The following E2F5 variants were observed in gnomAD, a reference collection of about 807,000 sequenced individuals.
E2F5 encodes E2F transcription factor 5, also known as transcription factor E2F5.
Under a neutral mutation model 39.1 loss-of-function variants are expected in E2F5, and 23 were observed. That is an observed-to-expected ratio of 0.59 (90% confidence interval 0.42 to 0.83). E2F5 has a LOEUF of 0.83. E2F5 is among the 40% of genes least tolerant of loss of function. The pLI is 0.00. For synonymous variants in E2F5, 145 were observed against 157.8 expected, an observed-to-expected ratio of 0.92 and a Z score of 0.61; for missense variants, 365 against 406.7, an observed-to-expected ratio of 0.90 and a Z score of 0.88.
At chr8:85,212,229 C>T (rs1188128849) in intron 7 of E2F5, 25 bp downstream of exon 7, 3 of 1,540,086 alleles carry the variant, frequency 1.9e-6, no homozygotes, top group East Asian at 2.3e-5. Context: ...ATTTTACTAA[C>T]TCACTTATCA....
Position 85,207,316 on chromosome 8 carries a change from C to G in E2F5, c.551-109C>G, listed in dbSNP as rs1002334309. The G allele has an allele frequency of 1.7e-5, 14 of 821,106 alleles. No individual in the cohort carries two copies. The Admixed American group carries it at 4.1e-4, about 24-fold the overall frequency. 50.9% of individuals were successfully genotyped at this position (821,106 alleles called of 1,614,324 possible). The stretch of plus-strand genomic sequence containing the variant: ...AATTGAAAATCAAAGCTCAAGGTCA[C>G]CTAGTTTGGGATTGAACCAAACACT... On this transcript the variant is annotated intron_variant, in intron 4 of 7. Coordinates refer to ENST00000416274, the MANE Select transcript of E2F5 (RefSeq NM_001951.4).
chr8:85,200,107 C>A (rs1400094651), intron 1 of E2F5, among the ~76,000 whole-genome samples: 1 of 152,024 alleles, frequency 6.6e-6, no homozygotes, highest in Non-Finnish European at 1.5e-5. Context: ...ATTAGCCAGT[C>A]GTGGTGGTAC....
At chr8:85,211,794 ATGTC>A (rs2129765766) in intron 6 of E2F5, among the ~76,000 whole-genome samples, 1 of 151,288 alleles carries the variant, frequency 6.6e-6, no homozygotes, top group South Asian at 2.1e-4. Flanking sequence ...CGTGCCATGA[ATGTC>A]TGGCTAATTT....
At chr8:85,192,334 G>A (rs549213625) in intron 1 of E2F5, among the ~76,000 whole-genome samples, 8 of 152,212 alleles carry the variant, frequency 5.3e-5, no homozygotes, top group South Asian at 4.2e-4. Flanking sequence ...GCAGCCTATC[G>A]GAATTATAGG....
rs111787090 is a variant in E2F5, at chr8:85,179,602, T to C, written c.234+1948T>C. ...CATATATATGTATGAAAAACATATG[T>C]TTTATGTATTTTACGTATATTTTTC... On this transcript the variant is annotated intron_variant, in intron 1 of 7. Coordinates refer to ENST00000416274, the MANE Select transcript of E2F5 (RefSeq NM_001951.4). 4.6e-3 allele frequency among the ~76,000 whole-genome samples: 698 copies of C among 152,140 alleles called. 4 individuals are homozygous for C. Among genetic ancestry groups the C allele is most frequent in the African/African-American group, 0.016 (660 of 41,518 alleles).
intron 1 of E2F5, among the ~76,000 whole-genome samples, chr8:85,179,722 C>G (rs1437473401): frequency 6.9e-6 from 1 of 144,872 alleles, no homozygotes; most frequent in Non-Finnish European, 1.5e-5. Context: ...TGCAGTGGCG[C>G]GATCTGGGCT....
chr8:85,179,453 A>G (rs542920562), intron 1 of E2F5, among the ~76,000 whole-genome samples: 1 of 152,274 alleles, frequency 6.6e-6, no homozygotes, highest in Admixed American at 6.5e-5. Flanking sequence ...TTGGTATTTC[A>G]TGACAATAAT....
Position 85,203,265 on chromosome 8 carries a change from T to C in E2F5, c.506+10T>C. 6.3e-7 allele frequency: 1 copy of C among 1,580,542 alleles called. No individual in the cohort carries two copies. Among genetic ancestry groups the C allele is most frequent in the Non-Finnish European group, 8.6e-7 (1 of 1,164,118 alleles). The stretch of plus-strand genomic sequence containing the variant: ...ATTCCATTAATAATAGATATCCTTT[T>C]AAATAAGTTATGCATATACATATAG... On this transcript the variant is annotated intron_variant, in intron 3 of 7. Coordinates refer to ENST00000416274, the MANE Select transcript of E2F5 (RefSeq NM_001951.4).
chr8:85,203,724 C>T (rs778278338), intron 3 of E2F5, among the ~76,000 whole-genome samples: 12 of 150,942 alleles, frequency 8.0e-5, no homozygotes, highest in Non-Finnish European at 1.8e-4. Flanking sequence ...TAACATGAAC[C>T]CCAAAATAGT....
At chr8:85,183,302 A>G (rs1016844160) in intron 1 of E2F5, among the ~76,000 whole-genome samples, 2 of 152,200 alleles carry the variant, frequency 1.3e-5, no homozygotes, top group Admixed American at 6.5e-5. Context: ...ATACCAGGCA[A>G]ACATTTTAAG....
chr8:85,177,636 C>T lies in E2F5; in HGVS notation c.216C>T (p.Gly72=). Residue 72 remains glycine, a synonymous_variant, in exon 1 of 8, where the codon GGC becomes GGT. Coordinates refer to ENST00000416274, the MANE Select transcript of E2F5 (RefSeq NM_001951.4). ...FVSLLQEAKD[G]VLDLKAAADT... ...CGCTGCTGCAGGAGGCCAAGGACGGCGTTCTGGATCTCAAAGCGGTGAGCT... is the reference window on the plus strand; with the variant it reads ...CGCTGCTGCAGGAGGCCAAGGACGGTGTTCTGGATCTCAAAGCGGTGAGCT... 7.7e-7 allele frequency: 1 copy of T among 1,294,492 alleles called. No homozygotes were observed. Among genetic ancestry groups the T allele is most frequent in the Non-Finnish European group, 9.8e-7 (1 of 1,016,974 alleles). 80.2% of individuals were successfully genotyped at this position (1,294,492 alleles called of 1,614,324 possible).
chr8:85,195,673 T>C (rs1812564534), intron 1 of E2F5, among the ~76,000 whole-genome samples: 1 of 151,934 alleles, frequency 6.6e-6, no homozygotes, highest in Non-Finnish European at 1.5e-5. Flanking sequence ...TAATTTTTTT[T>C]TGTAGAGATG....
At chr8:85,205,040 G>C (rs1812773105) in intron 3 of E2F5, among the ~76,000 whole-genome samples, 1 of 152,160 alleles carries the variant, frequency 6.6e-6, no homozygotes, top group Non-Finnish European at 1.5e-5. Context: ...ACAAAAACTA[G>C]CTGGGCATGG....
chr8:85,180,511 CATATATATATAT>C (rs58188216), intron 1 of E2F5, among the ~76,000 whole-genome samples: 2,409 of 80,744 alleles, frequency 0.03, 95 homozygotes, highest in African/African-American at 0.087. Context: ...AGAAACTATA[CATATATATATAT>C]ATATATATAT....
At chr8:85,195,189 C>T (rs1458616710) in intron 1 of E2F5, among the ~76,000 whole-genome samples, 1 of 151,956 alleles carries the variant, frequency 6.6e-6, no homozygotes, top group Admixed American at 6.6e-5. Context: ...TCGAGACCAG[C>T]TTGCCCAACA....
In E2F5 at chr8:85,214,425, T is replaced by C. The variant is rs188049660; in HGVS notation, c.*563T>C. The stretch of plus-strand genomic sequence containing the variant: ...TCTGACATTCCACTTTCCTAGGTTA[T>C]AGGAAAGATCTGTTTATGTAGTTTG... On this transcript the variant is annotated 3_prime_UTR_variant, in exon 8 of 8. Coordinates refer to ENST00000416274, the MANE Select transcript of E2F5 (RefSeq NM_001951.4). 2.2e-4 allele frequency: 151 copies of C among 678,860 alleles called. 1 individual carries two copies. The East Asian group carries it at 3.7e-3, about 17-fold the overall frequency. 42.1% of individuals were successfully genotyped at this position (678,860 alleles called of 1,614,324 possible). A position where few individuals can be genotyped will look rare whatever the true frequency, so the allele number is the denominator to read the frequency against.
At chr8:85,201,276 T>G (rs1010526221) in intron 1 of E2F5, among the ~76,000 whole-genome samples, 1 of 152,226 alleles carries the variant, frequency 6.6e-6, no homozygotes, top group Non-Finnish European at 1.5e-5. Context: ...ATTTAGATAT[T>G]TTAGATAATG....
rs4150914 is a variant in E2F5 at position 85,196,174 on chromosome 8, C to T, written c.235-5973C>T. 6.9e-3 allele frequency among the ~76,000 whole-genome samples: 1,054 copies of T among 152,136 alleles called. 13 individuals are homozygous for T. Among genetic ancestry groups the T allele is most frequent in the African/African-American group, 0.021 (884 of 41,544 alleles). ...TGCGGCTCCTGGAGGGAGCGCTTTG[C>T]GTCTTTAAAGTAAGTTATTTATTCT... is the stretch of plus-strand genomic sequence containing the variant. On this transcript the variant is annotated intron_variant, in intron 1 of 7. Coordinates refer to ENST00000416274, the MANE Select transcript of E2F5 (RefSeq NM_001951.4).
At chr8:85,205,149 C>T (rs969719028) in intron 3 of E2F5, among the ~76,000 whole-genome samples, 9 of 152,254 alleles carry the variant, frequency 5.9e-5, no homozygotes, top group South Asian at 4.2e-4. Context: ...CACTACTGCA[C>T]TTCAGCTTGG....
Sources: allele counts gnomAD v4.1 joint callset (sites outside exome capture counted in the v4.1 genomes callset), GRCh38; gene constraint gnomAD v4.1.1; transcripts MANE v1.5; gene names NCBI Gene and HGNC (gene_info 2026-07-23, HGNC 2026-07-21).